The following SDK1 variants were observed in gnomAD, a reference collection of about 807,000 sequenced individuals.
SDK1 encodes protein sidekick-1.
A neutral mutation model predicts 245.5 loss-of-function variants in SDK1; 157 were observed. That is an observed-to-expected ratio of 0.64 (90% CI 0.56 to 0.73). SDK1 has a LOEUF of 0.73. SDK1 is among the 30% of genes least tolerant of loss of function. SDK1 has a pLI of 0.00. For missense variants in SDK1, 3,583 were observed against 3,002.3 expected (o/e 1.19, Z -4.52); for synonymous variants, 1,647 against 1,278.5 (o/e 1.29, Z -6.15).
At chr7:3,993,166 G>A (rs1784468681) in intron 14 of SDK1, among the ~76,000 whole-genome samples, 1 of 152,162 alleles carries the variant, frequency 6.6e-6, no homozygotes, top group Non-Finnish European at 1.5e-5. Flanking sequence ...GTTAGAAATG[G>A]AGATTTTCGT....
At chr7:3,700,564 T>C (rs774599440) in intron 4 of SDK1, among the ~76,000 whole-genome samples, 2 of 152,096 alleles carry the variant, frequency 1.3e-5, no homozygotes, top group Non-Finnish European at 2.9e-5. Flanking sequence ...GACACAAAAA[T>C]GCCATAGGTA....
intron 5 of SDK1, among the ~76,000 whole-genome samples, chr7:3,948,622 G>A (rs1046525938): frequency 6.6e-6 from 1 of 152,206 alleles, no homozygotes; most frequent in Non-Finnish European, 1.5e-5. Flanking sequence ...TCCTCCTGTG[G>A]TGGAGCTGAA....
intron 4 of SDK1, among the ~76,000 whole-genome samples, chr7:3,774,674 C>T (rs1305106430): frequency 1.3e-5 from 2 of 152,170 alleles, no homozygotes. Flanking sequence ...CTGGTTCTCT[C>T]TCCTCTGCCA....
At chr7:4,044,880 T>C (rs1031663082) in intron 17 of SDK1, among the ~76,000 whole-genome samples, 1 of 152,212 alleles carries the variant, frequency 6.6e-6, no homozygotes, top group African/African-American at 2.4e-5. Flanking sequence ...GACGGAGATA[T>C]GACTATTTCT....
At chr7:4,139,137 G>A (rs1385980420) in intron 28 of SDK1, among the ~76,000 whole-genome samples, 1 of 152,180 alleles carries the variant, frequency 6.6e-6, no homozygotes, top group East Asian at 1.9e-4. Flanking sequence ...CCCCTGCCTT[G>A]ATGCACACAC....
At chr7:4,205,032 C>G (rs1001221991) in intron 35 of SDK1, among the ~76,000 whole-genome samples, 2 of 152,114 alleles carry the variant, frequency 1.3e-5, no homozygotes, top group East Asian at 3.9e-4. Context: ...CCGCAACATC[C>G]TCATGTGTCC....
intron 4 of SDK1, among the ~76,000 whole-genome samples, chr7:3,741,027 C>G (rs991412266): frequency 2.0e-5 from 3 of 152,160 alleles, no homozygotes; most frequent in African/African-American, 7.2e-5. Flanking sequence ...ATTAATCTAC[C>G]TGTTGCCTCC....
At chr7:3,488,071 C>G (rs746530821) in intron 1 of SDK1, among the ~76,000 whole-genome samples, 1 of 152,148 alleles carries the variant, frequency 6.6e-6, no homozygotes, top group African/African-American at 2.4e-5. Flanking sequence ...AAAGAAGTCT[C>G]TTGGTCTAAT....
At chr7:4,139,503 GTA>G (rs1562871515) in intron 28 of SDK1, among the ~76,000 whole-genome samples, 10 of 128,084 alleles carry the variant, frequency 7.8e-5, no homozygotes, top group African/African-American at 1.8e-4. Context: ...ATGTGTGTGT[GTA>G]TATGTATATA....
intron 32 of SDK1, among the ~76,000 whole-genome samples, chr7:4,165,559 G>A (rs1781451069): frequency 6.6e-6 from 1 of 150,924 alleles, no homozygotes; most frequent in Non-Finnish European, 1.5e-5. Context: ...GTACGATCTC[G>A]GCTCACTGCA....
At position 3,346,825 on chromosome 7, in the gene SDK1, A is replaced by ATTTT. The variant is rs1421251144; in HGVS notation, c.298+44942_298+44943insTTTT. 3.4e-3 allele frequency among the ~76,000 whole-genome samples: 95 copies of ATTTT among 27,588 alleles called. 3 individuals are homozygous for ATTTT. The highest frequency in any genetic ancestry group is 9.4e-3 in the African/African-American group (57 of 6,048). The allele number at this position is 27,588 out of a possible 152,430, so 18.1% of individuals were successfully genotyped here. A position where few individuals can be genotyped will look rare whatever the true frequency, so the allele number is the denominator to read the frequency against. Reference sequence around the variant, plus strand: ...TGTGTGTGTATATATATATATATATATATTTTTTTTTTTTTTTTTTTTTTT... The same window carrying ATTTT: ...TGTGTGTGTATATATATATATATATATTTTTATTTTTTTTTTTTTTTTTTTTTTT... On this transcript the variant is annotated intron_variant, in intron 1 of 44. Transcript: ENST00000404826.
At position 4,266,444 on chromosome 7, in the gene SDK1, C is replaced by G; in HGVS notation, c.*1060C>G. On this transcript the variant is annotated 3_prime_UTR_variant, in exon 45 of 45. Coordinates refer to ENST00000404826, the MANE Select transcript of SDK1 (RefSeq NM_152744.4). ...CTCGCCTCGTGCACACCAGGCCGTC[C>G]CCTCCCTCTGTCCTGGCTTCTGCTG... The G allele has an allele frequency of 3.0e-6, 3 of 985,350 alleles. No homozygotes were observed. Among genetic ancestry groups the G allele is most frequent in the Non-Finnish European group, 3.6e-6 (3 of 829,894 alleles). 61.0% of individuals were successfully genotyped at this position (985,350 alleles called of 1,614,324 possible).
At chr7:3,653,787 C>T (rs765494754) in intron 4 of SDK1, among the ~76,000 whole-genome samples, 53 of 152,116 alleles carry the variant, frequency 3.5e-4, no homozygotes, top group Non-Finnish European at 4.3e-4. Flanking sequence ...GGAGCTGCTC[C>T]TTTGGGTATT....
In SDK1 at chr7:3,971,526, C is replaced by G. The variant is rs368048544; in HGVS notation, c.1775C>G (p.Thr592Arg). ...DHVVIKGTTATLHCGATHDPR... is the reference protein window; with the variant it reads ...DHVVIKGTTARLHCGATHDPR... ...GTGGTGATTAAGGGGACCACGGCCACGCTGCACTGTGGTGCCACACATGAC... is the reference window on the plus strand; with the variant it reads ...GTGGTGATTAAGGGGACCACGGCCAGGCTGCACTGTGGTGCCACACATGAC... The change falls in exon 12 of 45, where the codon ACG becomes AGG. Residue 592 changes from threonine (T) to arginine (R), a missense_variant. By Grantham distance (71) the Thr-to-Arg change is moderately conservative. Transcript: ENST00000404826. 3 of 1,613,724 alleles carry G rather than the reference C, an allele frequency of 1.9e-6. No homozygotes were observed. The South Asian group carries it at 3.3e-5, about 18-fold the overall frequency.
chr7:3,670,618 T>C (rs901662432), intron 4 of SDK1, among the ~76,000 whole-genome samples: 6 of 152,162 alleles, frequency 3.9e-5, no homozygotes, highest in Non-Finnish European at 8.8e-5. Flanking sequence ...AAGCCCCCAG[T>C]AAATGTTAGA....
chr7:4,002,570 G>C (rs1355689263), intron 14 of SDK1, among the ~76,000 whole-genome samples: 1 of 152,104 alleles, frequency 6.6e-6, no homozygotes, highest in African/African-American at 2.4e-5. Context: ...ACCTATGCCT[G>C]TTTCATTTCA....
chr7:4,138,420 C>G (rs901370871), intron 28 of SDK1, among the ~76,000 whole-genome samples: 1 of 152,058 alleles, frequency 6.6e-6, no homozygotes, highest in African/African-American at 2.4e-5. Context: ...TGTGGAAATC[C>G]GGGTTTGTTG....
At chr7:4,164,272 C>G (rs543455537) in intron 32 of SDK1, among the ~76,000 whole-genome samples, 1 of 152,216 alleles carries the variant, frequency 6.6e-6, no homozygotes, top group Non-Finnish European at 1.5e-5. Flanking sequence ...AGGACCCACC[C>G]GCAACTTGCC....
chr7:4,106,045 G>A (rs1782880495), intron 22 of SDK1, among the ~76,000 whole-genome samples: 3 of 152,106 alleles, frequency 2.0e-5, no homozygotes, highest in Non-Finnish European at 4.4e-5. Flanking sequence ...GGGCAGGGTA[G>A]TTTGACCTTG....
Sources: allele counts gnomAD v4.1 joint callset (sites outside exome capture counted in the v4.1 genomes callset), GRCh38; gene constraint gnomAD v4.1.1; transcripts MANE v1.5; gene names NCBI Gene and HGNC (gene_info 2026-07-23, HGNC 2026-07-21).